The following VCAN variants were observed in gnomAD, a reference collection of about 807,000 sequenced individuals.
The protein encoded by VCAN is versican core protein.
In VCAN, 44 loss-of-function variants were observed where a neutral mutation model predicts 245.5. The observed-to-expected ratio is 0.18, with a 90% CI of 0.14 to 0.23. VCAN has a LOEUF of 0.23. Among genes scored for constraint, VCAN ranks in the 10% least tolerant of loss-of-function variants. The pLI, the probability that VCAN is intolerant of heterozygous loss-of-function variation, is 1.00. For missense variants in VCAN, 3,793 were observed against 4,057.9 expected (o/e 0.93, Z 1.77); for synonymous variants, 1,413 against 1,437.0 (o/e 0.98, Z 0.38).
chr5:83,561,398 T>C (rs1013222493), intron 12 of VCAN, among the ~76,000 whole-genome samples: 2 of 152,190 alleles, frequency 1.3e-5, no homozygotes, highest in African/African-American at 4.8e-5. Context: ...ATAGGACAAT[T>C]AGTACAATTA....
At chr5:83,535,157 A>G (rs1746658457) in intron 7 of VCAN, among the ~76,000 whole-genome samples, 1 of 152,076 alleles carries the variant, frequency 6.6e-6, no homozygotes, top group South Asian at 2.1e-4. Flanking sequence ...TTATGTATTT[A>G]TCTCGCTTCT....
In VCAN at chr5:83,511,373, A is replaced by T. The variant is rs115327848; in HGVS notation, c.749-730A>T. On this transcript the variant is annotated intron_variant, in intron 5 of 14. Coordinates refer to ENST00000265077, the MANE Select transcript of VCAN (RefSeq NM_004385.5). ...AGCAAGTAAAACAAAGGCTTTATCC[A>T]AAGAGGCTGGAGTTCCTTTGGCTGG... is the stretch of plus-strand genomic sequence containing the variant. Among the ~76,000 whole-genome samples, 499 of 152,054 alleles carry T rather than the reference A, an allele frequency of 3.3e-3. 2 individuals are homozygous for T. Among genetic ancestry groups the T allele is most frequent in the African/African-American group, 0.012 (478 of 41,522 alleles).
intron 7 of VCAN, among the ~76,000 whole-genome samples, chr5:83,531,116 T>G (rs1746504228): frequency 6.6e-6 from 1 of 152,144 alleles, no homozygotes; most frequent in Non-Finnish European, 1.5e-5. Flanking sequence ...TGCTTCTCCA[T>G]AAATAATGTA....
At position 83,537,185 on chromosome 5, in the gene VCAN, A is replaced by G. The variant is rs1399032131; in HGVS notation, c.4182A>G (p.Glu1394=). The G allele has an allele frequency of 5.0e-6, 8 of 1,613,640 alleles. No homozygotes were observed. In the East Asian group the frequency reaches 1.1e-4, roughly 22 times the overall value. ...YHSEENEEEE[E]ECANATDVTT... is the part of the protein sequence containing the mutation. ...GTGAAGAAAATGAAGAAGAAGAAGA[A>G]GAGTGTGCAAATGCTACTGATGTGA... is the stretch of plus-strand genomic sequence containing the variant. Residue 1394 remains glutamate, a synonymous_variant, in exon 8 of 15, where the codon GAA becomes GAG. Transcript: ENST00000265077.
In VCAN at chr5:83,506,381, A is replaced by C. The variant is rs538813148; in HGVS notation, c.749-5722A>C. On this transcript the variant is annotated intron_variant, in intron 5 of 14. Coordinates refer to ENST00000265077, the MANE Select transcript of VCAN (RefSeq NM_004385.5). ...CACATACTGTAAATCATCTTTCTCA[A>C]GTTCAAAGTTCCACAAATCTCTAGG... 1.4e-4 allele frequency among the ~76,000 whole-genome samples: 21 copies of C among 152,268 alleles called. No homozygotes were observed. The South Asian group carries it at 4.4e-3, about 32-fold the overall frequency.
chr5:83,480,981 C>T lies in VCAN; in HGVS notation c.-6-2532C>T, dbSNP rs183991090. 3.7e-3 allele frequency among the ~76,000 whole-genome samples: 557 copies of T among 152,052 alleles called. 3 individuals are homozygous for T. Among genetic ancestry groups the T allele is most frequent in the Middle Eastern group, 0.034 (10 of 294 alleles). On this transcript the variant is annotated intron_variant, in intron 1 of 14. Coordinates refer to ENST00000265077, the MANE Select transcript of VCAN (RefSeq NM_004385.5). ...ATTTTATCAATTCCTATGATCACTTCGGTAAGTACTAATTTTCACAACTAA... is the reference window on the plus strand; with the variant it reads ...ATTTTATCAATTCCTATGATCACTTTGGTAAGTACTAATTTTCACAACTAA...
At chr5:83,553,333 G>T (rs774973340) in intron 10 of VCAN, 31 bp from the exon 11 acceptor site, 2 of 1,613,324 alleles carry the variant, frequency 1.2e-6, no homozygotes, top group Non-Finnish European at 1.7e-6. Context: ...ACGTATGTGC[G>T]TTTAATAAGC....
Position 83,520,567 on chromosome 5 carries a change from C to T in VCAN, c.2261C>T (p.Thr754Ile). 6.2e-7 allele frequency: 1 copy of T among 1,613,980 alleles called. No homozygotes were observed. The highest frequency in any genetic ancestry group is 8.5e-7 in the Non-Finnish European group (1 of 1,179,980). ...TKSFDFPTLI[T>I]KLSAEPTEVR... ...TCTTTTGATTTCCCAACATTGATAA[C>T]AAAGTTAAGTGCAGAGCCAACAGAA... Residue 754 changes from threonine (T) to isoleucine (I), a missense_variant, in exon 7 of 15, where the codon ACA becomes ATA. Transcript: ENST00000265077.
intron 7 of VCAN, among the ~76,000 whole-genome samples, chr5:83,524,148 C>A (rs1042100616): frequency 7.9e-5 from 12 of 152,018 alleles, no homozygotes; most frequent in African/African-American, 2.7e-4. Flanking sequence ...GAAACTTGAT[C>A]TCTCTGAAAG....
chr5:83,514,796 A>G (rs76338117), intron 6 of VCAN, among the ~76,000 whole-genome samples: 7,229 of 152,244 alleles, frequency 0.047, 583 homozygotes, highest in African/African-American at 0.17. Context: ...AATATTTTCA[A>G]AATGACTTAA....
Position 83,542,012 on chromosome 5 carries a change from G to A in VCAN, c.9009G>A (p.Thr3003=), listed in dbSNP as rs200462738. 1.4e-4 allele frequency: 225 copies of A among 1,610,472 alleles called. 3 individuals are homozygous for A. The East Asian group carries it at 4.2e-3, about 30-fold the overall frequency. The change falls in exon 8 of 15, where the codon ACG becomes ACA. Residue 3003 remains threonine (T), a synonymous_variant. Transcript: ENST00000265077. ...WLSPQTSERP[T]LSSSPEINPE... is the part of the protein sequence containing the mutation. ...GTCCACAGACTTCTGAGAGGCCCAC[G>A]CTTTCTTCTTCTCCAGAAATAAACC...
chr5:83,542,225 C>G lies in VCAN; in HGVS notation c.9222C>G (p.Gly3074=). The G allele has an allele frequency of 1.2e-6, 2 of 1,613,880 alleles. No homozygotes were observed. The highest frequency in any genetic ancestry group is 1.7e-6 in the Non-Finnish European group (2 of 1,179,946). ...ETSNETDFLI[G]INEESVEGTA... ...CTAATGAAACAGATTTCCTGATTGGCATTAATGAAGAGTCAGTGGAAGGCA... is the reference window on the plus strand; with the variant it reads ...CTAATGAAACAGATTTCCTGATTGGGATTAATGAAGAGTCAGTGGAAGGCA... Residue 3074 remains glycine, a synonymous_variant, in exon 8 of 15, where the codon GGC becomes GGG. Coordinates refer to ENST00000265077, the MANE Select transcript of VCAN (RefSeq NM_004385.5).
rs1227669496 is a variant in VCAN at position 83,581,568 on chromosome 5, CT to C, written c.*1137del. ...AATTTGGAATCATATAATATAGGTA[CT>C]TTGTCCCTGATTAAATAATGTGACG... is the stretch of plus-strand genomic sequence containing the variant. On this transcript the variant is annotated 3_prime_UTR_variant, in exon 15 of 15. Transcript: ENST00000265077. 5.3e-5 allele frequency: 8 copies of C among 152,102 alleles called. No homozygotes were observed. Among genetic ancestry groups the C allele is most frequent in the African/African-American group, 1.9e-4 (8 of 41,430 alleles). The allele number at this position is 152,102 out of a possible 1,614,324, so 9.4% of individuals were successfully genotyped here.
At chr5:83,515,088 G>A (rs1296582721) in intron 6 of VCAN, among the ~76,000 whole-genome samples, 1 of 152,154 alleles carries the variant, frequency 6.6e-6, no homozygotes, top group Non-Finnish European at 1.5e-5. Flanking sequence ...CACAAAGACA[G>A]ATAAAAGACA....
At chr5:83,550,243 T>C (rs1027174566) in intron 10 of VCAN, among the ~76,000 whole-genome samples, 3 of 152,156 alleles carry the variant, frequency 2.0e-5, no homozygotes, top group African/African-American at 7.2e-5. Context: ...TTTTGGTGAA[T>C]TTGTTTGTGA....
chr5:83,473,067 C>T (rs1744251973), intron 1 of VCAN, among the ~76,000 whole-genome samples: 1 of 152,158 alleles, frequency 6.6e-6, no homozygotes, highest in Non-Finnish European at 1.5e-5. Flanking sequence ...TCTAGTTGAG[C>T]AACTTTACTG....
Position 83,531,867 on chromosome 5 carries a change from T to G in VCAN, c.4004-5140T>G, listed in dbSNP as rs1746533889. ...TGAAATGTCATTAAAAAAAGCCTAT[T>G]AACCATGGTACTGTTATATTCAAGT... On this transcript the variant is annotated intron_variant, in intron 7 of 14. Transcript: ENST00000265077. Among the ~76,000 whole-genome samples, 2 of 152,122 alleles carry G rather than the reference T, an allele frequency of 1.3e-5. 1 individual carries two copies. The highest frequency in any genetic ancestry group is 2.9e-5 in the Non-Finnish European group (2 of 68,026).
intron 7 of VCAN, among the ~76,000 whole-genome samples, chr5:83,526,834 G>A (rs1044146136): frequency 3.3e-5 from 5 of 152,120 alleles, no homozygotes; most frequent in Non-Finnish European, 7.4e-5. Flanking sequence ...GCAAAACTAA[G>A]TCATCATCAA....
chr5:83,551,853 A>G (rs1261154485), intron 10 of VCAN, among the ~76,000 whole-genome samples: 2 of 151,314 alleles, frequency 1.3e-5, no homozygotes, highest in Admixed American at 6.6e-5. Context: ...TCCCCAAAGC[A>G]GAAATACTAC....
Sources: allele counts gnomAD v4.1 joint callset (sites outside exome capture counted in the v4.1 genomes callset), GRCh38; gene constraint gnomAD v4.1.1; transcripts MANE v1.5; gene names NCBI Gene and HGNC (gene_info 2026-07-23, HGNC 2026-07-21).